Variants in TCF12 observed in about 807,000 individuals in gnomAD.
The protein encoded by TCF12 is transcription factor 12.
Under a neutral mutation model 86.0 loss-of-function variants are expected in TCF12, and 45 were observed. That is an observed-to-expected ratio of 0.52 (90% CI 0.41 to 0.67). The LOEUF is 0.67. Among genes scored for constraint, TCF12 ranks in the 30% least tolerant of loss-of-function variants. The pLI is 0.00. For synonymous variants in TCF12, 330 were observed against 299.6 expected, an observed-to-expected ratio of 1.10 and a Z score of -1.05; for missense variants, 881 against 859.9, an observed-to-expected ratio of 1.02 and a Z score of -0.31.
At chr15:57,277,845 G>A (rs2061476796) in intron 19 of TCF12, among the ~76,000 whole-genome samples, 1 of 151,688 alleles carries the variant, frequency 6.6e-6, no homozygotes, top group Non-Finnish European at 1.5e-5. Context: ...AGGCTGAGGT[G>A]GGAGGATCAC....
chr15:57,028,455 C>G (rs1239914046), intron 3 of TCF12, among the ~76,000 whole-genome samples: 6 of 152,082 alleles, frequency 3.9e-5, no homozygotes, highest in Admixed American at 3.9e-4. Context: ...TTGCATTTCC[C>G]TGATGTTTGA....
intron 3 of TCF12, among the ~76,000 whole-genome samples, chr15:56,966,551 C>G (rs1192999525): frequency 1.2e-4 from 18 of 152,100 alleles, no homozygotes; most frequent in African/African-American, 4.3e-4. Context: ...TGTTGAAACT[C>G]TTTTTCTATC....
At chr15:57,054,317 G>A (rs1396255439) in intron 3 of TCF12, among the ~76,000 whole-genome samples, 2 of 152,176 alleles carry the variant, frequency 1.3e-5, no homozygotes, top group Admixed American at 6.5e-5. Context: ...TCATTAAAAT[G>A]TACTTGATAG....
intron 5 of TCF12, among the ~76,000 whole-genome samples, chr15:57,143,676 C>T (rs2053155819): frequency 6.6e-6 from 1 of 152,162 alleles, no homozygotes; most frequent in Non-Finnish European, 1.5e-5. Context: ...GGTTTATTCA[C>T]ATGTGCATTG....
Position 57,192,269 on chromosome 15 carries a change from C to A in TCF12, c.502C>A (p.Pro168Thr). ...SFSATSSRRR[P>T]LHDSAALDPL... ...CTCTGCTACAAGTTCCAGGAGGAGA[C>A]CACTCCATGACTCTGCAGCGCTTGG... is the stretch of plus-strand genomic sequence containing the variant. The change falls in exon 7 of 21, where the codon CCA (proline) becomes ACA (threonine). Residue 168 changes from proline to threonine, a missense_variant. Pro to Thr is a conservative substitution (Grantham distance 38). Around this residue, in one of 3 missense-constraint regions of TCF12, gnomAD observed 766 missense variants for 718.9 expected, o/e 1.07. Transcript: ENST00000333725. 6.2e-7 allele frequency: 1 copy of A among 1,614,162 alleles called. No homozygotes were observed. Among genetic ancestry groups the A allele is most frequent in the Non-Finnish European group, 8.5e-7 (1 of 1,180,004 alleles).
intron 3 of TCF12, among the ~76,000 whole-genome samples, chr15:57,036,880 AAG>A (rs1312884262): frequency 6.6e-6 from 1 of 152,148 alleles, no homozygotes; most frequent in African/African-American, 2.4e-5. Flanking sequence ...AAGCAGAGAA[AAG>A]AGAGAAGCAA....
At chr15:57,059,255 T>A (rs2068265024) in intron 3 of TCF12, among the ~76,000 whole-genome samples, 1 of 152,316 alleles carries the variant, frequency 6.6e-6, no homozygotes, top group Non-Finnish European at 1.5e-5. Context: ...GAAATGTGTA[T>A]GTGATTTTCC....
At chr15:57,137,851 AC>A (rs1465186195) in intron 5 of TCF12, among the ~76,000 whole-genome samples, 1 of 152,194 alleles carries the variant, frequency 6.6e-6, no homozygotes, top group East Asian at 1.9e-4. Context: ...ACCTGGTGAA[AC>A]CCTGTCTCTA....
chr15:57,282,428 C>G lies in TCF12; in HGVS notation c.1979-17C>G. ...ACTTAAAACCATAGTGATAAAAATT[C>G]TTTCCCCCTGTTTTAGAGAGGAACC... On this transcript the variant is annotated splice_polypyrimidine_tract_variant and intron_variant, in intron 19 of 20. Transcript: ENST00000333725. The G allele has an allele frequency of 6.2e-7, 1 of 1,613,978 alleles. No homozygotes were observed. The highest frequency in any genetic ancestry group is 8.5e-7 in the Non-Finnish European group (1 of 1,179,984).
chr15:56,987,876 A>C (rs1198760120), intron 3 of TCF12, among the ~76,000 whole-genome samples: 2 of 152,222 alleles, frequency 1.3e-5, no homozygotes, highest in Non-Finnish European at 2.9e-5. Context: ...AATAAACCAT[A>C]TAGGAAAGAC....
At chr15:57,096,523 A>T (rs1271776301) in intron 5 of TCF12, among the ~76,000 whole-genome samples, 1 of 152,120 alleles carries the variant, frequency 6.6e-6, no homozygotes. Context: ...TCCCTTATAT[A>T]TATATATAAA....
In TCF12 at chr15:56,938,412, G is replaced by C. The variant is rs2060578402; in HGVS notation, c.148+17314G>C. On this transcript the variant is annotated intron_variant, in intron 3 of 20. Transcript: ENST00000333725. ...CTGACCTTGTGATCCCCCTGCCTCA[G>C]CCTCCCAAAGTGTTGGGATTACAGG... Among the ~76,000 whole-genome samples, 4 of 151,998 alleles carry C rather than the reference G, an allele frequency of 2.6e-5. No individual in the cohort carries two copies. In the South Asian group the frequency reaches 8.3e-4, roughly 32 times the overall value.
At chr15:56,967,162 G>T (rs1002610838) in intron 3 of TCF12, among the ~76,000 whole-genome samples, 2 of 151,748 alleles carry the variant, frequency 1.3e-5, no homozygotes, top group Admixed American at 6.6e-5. Context: ...AAAATATTAA[G>T]TTGACTTGGT....
At chr15:57,225,220 C>CTTT (rs139530756) in intron 8 of TCF12, among the ~76,000 whole-genome samples, 1,065 of 39,750 alleles carry the variant, frequency 0.027, 273 homozygotes, top group African/African-American at 0.045. Flanking sequence ...CTGATATATG[C>CTTT]TTTTTTTTTT....
At chr15:56,980,522 T>C (rs979966208) in intron 3 of TCF12, among the ~76,000 whole-genome samples, 1 of 152,224 alleles carries the variant, frequency 6.6e-6, no homozygotes, top group Admixed American at 6.5e-5. Context: ...AACTGTGAGC[T>C]AGTAAATTTC....
intron 8 of TCF12, among the ~76,000 whole-genome samples, chr15:57,230,031 G>A (rs936208467): frequency 6.6e-6 from 1 of 151,828 alleles, no homozygotes. Context: ...ATCAAATTAT[G>A]TAGAAGAACA....
At chr15:57,270,995 G>A (rs1567026066) in intron 18 of TCF12, among the ~76,000 whole-genome samples, 1 of 152,164 alleles carries the variant, frequency 6.6e-6, no homozygotes, top group Non-Finnish European at 1.5e-5. Context: ...CTACTGGGAG[G>A]TGTCTCCCAG....
At chr15:57,152,077 G>A (rs2053802546) in intron 5 of TCF12, among the ~76,000 whole-genome samples, 1 of 152,210 alleles carries the variant, frequency 6.6e-6, no homozygotes, top group Non-Finnish European at 1.5e-5. Flanking sequence ...GTGATCACTA[G>A]AGGGAGTGGA....
Position 57,287,963 on chromosome 15 carries a change from CTT to C in TCF12, c.*1822_*1823del, listed in dbSNP as rs2061986654. ...CCTTTTTTTCTTCAGAGCTTGTTGT[CTT>C]TTTCGCTATATTAGACTTTGCAGTA... On this transcript the variant is annotated 3_prime_UTR_variant, in exon 21 of 21. Transcript: ENST00000333725. The C allele has an allele frequency of 6.6e-6, 1 of 152,544 alleles. No individual in the cohort carries two copies. The highest frequency in any genetic ancestry group is 2.4e-5 in the African/African-American group (1 of 41,422). The allele number at this position is 152,544 out of a possible 1,614,324, so 9.4% of individuals were successfully genotyped here. A position where few individuals can be genotyped will look rare whatever the true frequency, so the allele number is the denominator to read the frequency against.
Sources: allele counts gnomAD v4.1 joint callset (sites outside exome capture counted in the v4.1 genomes callset), GRCh38; gene constraint gnomAD v4.1.1; regional missense constraint gnomAD v4.1.1; transcripts MANE v1.5; gene names NCBI Gene and HGNC (gene_info 2026-07-23, HGNC 2026-07-21).